RAI2: variants seen among roughly 807,000 people sequenced by gnomAD.
RAI2 encodes the protein retinoic acid induced 2, also known as retinoic acid-induced protein 2.
RAI2 carries 5 observed loss-of-function variants against 15.3 expected under a neutral mutation model. The ratio of observed to expected loss-of-function variants is 0.33; its 90% CI spans 0.17 to 0.69. The LOEUF (loss-of-function observed/expected upper bound fraction) is 0.69. Among genes scored for constraint, RAI2 ranks in the 30% least tolerant of loss-of-function variants. RAI2 has a pLI of 0.69. For synonymous variants in RAI2, 191 were observed against 184.0 expected (o/e 1.04, Z -0.31); for missense variants, 424 against 424.7 (o/e 1.00, Z 0.01).
intron 1 of RAI2, among the ~76,000 whole-genome samples, chrX:17,846,404 G>A (rs1049417914): frequency 2.7e-5 from 3 of 111,636 alleles, no homozygotes; most frequent in African/African-American, 9.8e-5. Flanking sequence ...CCCCTAGCTG[G>A]GCCCAGTCAA....
chrX:17,817,044 G>T (rs1380237975), intron 1 of RAI2, among the ~76,000 whole-genome samples: 1 of 111,845 alleles, frequency 8.9e-6, no homozygotes, highest in Non-Finnish European at 1.9e-5. Flanking sequence ...CTTGCAGGGG[G>T]AAGGGCCGCC....
intron 1 of RAI2, among the ~76,000 whole-genome samples, chrX:17,819,935 A>T (rs993345672): frequency 1.8e-5 from 2 of 112,339 alleles, no homozygotes; most frequent in African/African-American, 6.5e-5. Context: ...CCATCTGACC[A>T]CTTATGAATT....
chrX:17,800,857 G>T lies in RAI2; in HGVS notation c.1154C>A (p.Ser385Tyr), dbSNP rs1395657888. 2.5e-6 allele frequency: 3 copies of T among 1,209,674 alleles called. No homozygotes were observed. Among genetic ancestry groups the T allele is most frequent in the Non-Finnish European group, 3.4e-6 (3 of 895,138 alleles). Residue 385 changes from serine (S) to tyrosine (Y), a missense_variant, in exon 2 of 2, where the codon TCT (serine) becomes TAT (tyrosine). Transcript: ENST00000451717. Reference protein sequence around the residue: ...MEKLPSGMEISFAPATSHEAP... With the variant: ...MEKLPSGMEIYFAPATSHEAP... ...CTCATGGGACGTGGCAGGGGCAAAA[G>T]AAATTTCCATGCCACTGGGAAGTTT...
intron 1 of RAI2, among the ~76,000 whole-genome samples, chrX:17,803,545 A>G (rs1160204933): frequency 9.0e-6 from 1 of 111,331 alleles, no homozygotes; most frequent in African/African-American, 3.3e-5. Context: ...AAAAGAAAAG[A>G]AAAGAAAAGA....
At chrX:17,833,406 C>T (rs768716535) in intron 1 of RAI2, among the ~76,000 whole-genome samples, 155 of 111,370 alleles carry the variant, frequency 1.4e-3, no homozygotes, top group African/African-American at 4.9e-3. Flanking sequence ...CCTGTAATCC[C>T]AGCTACTCAG....
chrX:17,820,611 CA>C (rs2067153842), intron 1 of RAI2, among the ~76,000 whole-genome samples: 1 of 112,005 alleles, frequency 8.9e-6, no homozygotes, highest in East Asian at 2.8e-4. Context: ...CTCTATGGCA[CA>C]GGAATGAGCT....
chrX:17,831,008 C>T (rs950651650), intron 1 of RAI2, among the ~76,000 whole-genome samples: 2 of 112,119 alleles, frequency 1.8e-5, no homozygotes, highest in Non-Finnish European at 3.8e-5. Flanking sequence ...GAAAAACCAT[C>T]CATCCTCATC....
At chrX:17,804,318 T>C (rs1321278844) in intron 1 of RAI2, among the ~76,000 whole-genome samples, 1 of 112,093 alleles carries the variant, frequency 8.9e-6, no homozygotes, top group African/African-American at 3.2e-5. Flanking sequence ...TCATCCTGAG[T>C]GAAACAGACG....
chrX:17,815,212 G>A lies in RAI2; in HGVS notation c.-24-13178C>T, dbSNP rs202074958. ...TTGGGGTGGGGGAAGGAAAAAGATC[G>A]GCTGTATAACATCTGGCTAGTTAGC... On this transcript the variant is annotated intron_variant, in intron 1 of 1. Coordinates refer to ENST00000451717, the MANE Select transcript of RAI2 (RefSeq NM_021785.6). Among the ~76,000 whole-genome samples the A allele has an allele frequency of 3.6e-5, 4 of 111,389 alleles. No homozygotes were observed. In the East Asian group the frequency reaches 1.1e-3, roughly 31 times the overall value.
At chrX:17,841,439 T>C (rs1037697752) in intron 1 of RAI2, among the ~76,000 whole-genome samples, 3 of 112,364 alleles carry the variant, frequency 2.7e-5, no homozygotes, top group African/African-American at 9.7e-5. Context: ...ATATCATTTT[T>C]TCCCTTAAGC....
chrX:17,849,904 TTCTC>T (rs768111189), intron 1 of RAI2, among the ~76,000 whole-genome samples: 2 of 112,379 alleles, frequency 1.8e-5, no homozygotes, highest in South Asian at 3.7e-4. Flanking sequence ...TTTTCTTTTC[TTCTC>T]TCTCTTTCTC....
rs2066912042 is a variant in RAI2, at chrX:17,801,556, T to C, written c.455A>G (p.His152Arg). The change falls in exon 2 of 2, where the codon CAC becomes CGC. Residue 152 changes from histidine to arginine, a missense_variant. Transcript: ENST00000451717. ...QEAPCSSSTI[H>R]NNLFQGAEDP... is the part of the protein sequence containing the mutation. ...CTCCGCTCCCTGGAAGAGGTTGTTGTGGATGGTACTGGAGGAGCATGGGGC... is the reference window on the plus strand; with the variant it reads ...CTCCGCTCCCTGGAAGAGGTTGTTGCGGATGGTACTGGAGGAGCATGGGGC... 4.1e-6 allele frequency: 5 copies of C among 1,205,416 alleles called. No homozygotes were observed. The highest frequency in any genetic ancestry group is 5.6e-6 in the Non-Finnish European group (5 of 892,137).
chrX:17,832,763 CATATTAGGG>C (rs1354149703), intron 1 of RAI2, among the ~76,000 whole-genome samples: 1 of 112,147 alleles, frequency 8.9e-6, no homozygotes, highest in Non-Finnish European at 1.9e-5. Flanking sequence ...TCTTTTCTCC[CATATTAGGG>C]TTAATGGAGG....
rs184908064 is a variant in RAI2, at chrX:17,855,082, A to C, written c.-25+6016T>G. Among the ~76,000 whole-genome samples the C allele has an allele frequency of 2.1e-3, 234 of 112,370 alleles. 4 individuals are homozygous for C. The highest frequency in any genetic ancestry group is 0.019 in the Admixed American group (206 of 10,671). On this transcript the variant is annotated intron_variant, in intron 1 of 1. Coordinates refer to ENST00000451717, the MANE Select transcript of RAI2 (RefSeq NM_021785.6). ...TACCTCCCTGAACTCTCCTTTGGCC[A>C]GGTTTCTTCATCTGCTGTGCTATGG...
chrX:17,813,643 A>T (rs1322735874), intron 1 of RAI2, among the ~76,000 whole-genome samples: 1 of 111,597 alleles, frequency 9.0e-6, no homozygotes, highest in Non-Finnish European at 1.9e-5. Context: ...AATGTGAGTC[A>T]ATTATTCATT....
intron 1 of RAI2, among the ~76,000 whole-genome samples, chrX:17,849,597 A>G (rs1029604754): frequency 3.5e-5 from 4 of 112,909 alleles, no homozygotes; most frequent in Non-Finnish European, 7.5e-5. Context: ...GAGAGGTAAT[A>G]TAATTGCTTT....
At chrX:17,838,117 T>C in intron 1 of RAI2, among the ~76,000 whole-genome samples, 1 of 112,539 alleles carries the variant, frequency 8.9e-6, no homozygotes, top group Non-Finnish European at 1.9e-5. Context: ...TATGAAACTC[T>C]AGAGCAGACA....
intron 1 of RAI2, among the ~76,000 whole-genome samples, chrX:17,839,848 T>C (rs2147264101): frequency 8.9e-6 from 1 of 112,676 alleles, no homozygotes; most frequent in Non-Finnish European, 1.9e-5. Flanking sequence ...GTTGGTCTGT[T>C]CTGACATGGA....
intron 1 of RAI2, among the ~76,000 whole-genome samples, chrX:17,808,585 T>C (rs2067007928): frequency 9.0e-6 from 1 of 111,067 alleles, no homozygotes; most frequent in Non-Finnish European, 1.9e-5. Context: ...TCCTTCTTAC[T>C]TCCCAGAAAA....
Sources: allele counts gnomAD v4.1 joint callset (sites outside exome capture counted in the v4.1 genomes callset), GRCh38; gene constraint gnomAD v4.1.1; transcripts MANE v1.5; gene names NCBI Gene and HGNC (gene_info 2026-07-23, HGNC 2026-07-21).